NDUFAF1: variants seen among roughly 807,000 people sequenced by gnomAD.
NDUFAF1 encodes complex I intermediate-associated protein 30, mitochondrial.
A neutral mutation model predicts 28.7 loss-of-function variants in NDUFAF1; 18 were observed. That is an observed-to-expected ratio of 0.63 (90% CI 0.43 to 0.93). The LOEUF (loss-of-function observed/expected upper bound fraction) is 0.93, where lower values mean the gene tolerates loss of function less well. Ranked by LOEUF, NDUFAF1 falls within the 40% of genes least tolerant of loss-of-function variation. The probability of loss-of-function intolerance (pLI) is 0.00; values close to 1 mark genes in which losing one functional copy is unlikely to be tolerated. For missense variants in NDUFAF1, 404 were observed against 398.3 expected (o/e 1.01, Z -0.12); for synonymous variants, 113 against 139.7 (o/e 0.81, Z 1.35).
chr15:41,394,885 C>T lies in NDUFAF1; in HGVS notation c.733G>A (p.Gly245Arg), dbSNP rs376344575. ...TTGACCTCCTGCCAGTAGGGTCCCC[C>T]GCGGGTGAACATGAAGTAACTATAC... ...QMYSYFMFTR[G>R]GPYWQEVKIP... Residue 245 changes from glycine (G) to arginine (R), a missense_variant, in exon 3 of 5, where the codon GGG becomes AGG. Gly to Arg is a moderately radical substitution (Grantham distance 125). Transcript: ENST00000260361. 24 of 1,613,986 alleles carry T rather than the reference C, an allele frequency of 1.5e-5. No individual in the cohort carries two copies. The Admixed American group carries it at 2.0e-4, about 13-fold the overall frequency.
chr15:41,398,558 T>G (rs1453999830), intron 1 of NDUFAF1, among the ~76,000 whole-genome samples: 1 of 151,778 alleles, frequency 6.6e-6, no homozygotes, highest in East Asian at 1.9e-4. Context: ...GATAACTCAT[T>G]GTAGCCTTGA....
chr15:41,399,471 C>T (rs1292083633), intron 1 of NDUFAF1, among the ~76,000 whole-genome samples: 6 of 146,610 alleles, frequency 4.1e-5, no homozygotes, highest in Non-Finnish European at 9.0e-5. Flanking sequence ...GCAGGAGAAT[C>T]GCTTGAACCT....
chr15:41,390,478 C>T (rs888532517), intron 3 of NDUFAF1, among the ~76,000 whole-genome samples: 3 of 152,128 alleles, frequency 2.0e-5, no homozygotes, highest in Non-Finnish European at 4.4e-5. Context: ...GTAATCCCAG[C>T]ACTTTGGGAG....
intron 1 of NDUFAF1, among the ~76,000 whole-genome samples, chr15:41,398,489 A>T (rs555253521): frequency 1.3e-5 from 2 of 151,488 alleles, no homozygotes; most frequent in Admixed American, 6.6e-5. Context: ...GTGAAAAAAA[A>T]AAAAAAAGAG....
chr15:41,398,914 C>A (rs1261560911), intron 1 of NDUFAF1, among the ~76,000 whole-genome samples: 1 of 151,830 alleles, frequency 6.6e-6, no homozygotes, highest in Admixed American at 6.6e-5. Context: ...CGAGATTGCA[C>A]CACTGCACTC....
intron 3 of NDUFAF1, among the ~76,000 whole-genome samples, chr15:41,393,558 G>A (rs1306324794): frequency 6.6e-6 from 1 of 151,236 alleles, no homozygotes; most frequent in Non-Finnish European, 1.5e-5. Flanking sequence ...CCAAAGTGCT[G>A]GGATTACAGG....
rs560838828 is a variant in NDUFAF1, at chr15:41,387,522, G to A, written c.906C>T (p.Gly302=). ...CTGTATGAGCTGGATCAGTAAACAC[G>A]CCAATAAAATCTATCTCCAGGAAGA... ...GPFFLEIDFI[G]VFTDPAHTEE... Residue 302 remains glycine, a synonymous_variant, in exon 5 of 5, where the codon GGC becomes GGT. Coordinates refer to ENST00000260361, the MANE Select transcript of NDUFAF1 (RefSeq NM_016013.4). The A allele has an allele frequency of 1.6e-4, 255 of 1,612,562 alleles. 2 individuals carry two copies. In the South Asian group the frequency reaches 2.5e-3, roughly 16 times the overall value.
chr15:41,391,658 T>G (rs1285436651), intron 3 of NDUFAF1, among the ~76,000 whole-genome samples: 1 of 147,624 alleles, frequency 6.8e-6, no homozygotes, highest in Non-Finnish European at 1.5e-5. Context: ...GGGAAGGCAG[T>G]AGAGTGACAA....
chr15:41,394,832 A>G (rs1257466457), intron 3 of NDUFAF1, 27 bp downstream of exon 3: 2 of 1,612,968 alleles, frequency 1.2e-6, no homozygotes, highest in Non-Finnish European at 1.7e-6. Context: ...CCTCATTTTT[A>G]TAAACAATGA....
Position 41,391,569 on chromosome 15 carries a change from T to C in NDUFAF1, c.760-3047A>G, listed in dbSNP as rs142466555. 2.6e-3 allele frequency among the ~76,000 whole-genome samples: 383 copies of C among 145,104 alleles called. 1 individual carries two copies. The highest frequency in any genetic ancestry group is 9.3e-3 in the African/African-American group (362 of 38,918). On this transcript the variant is annotated intron_variant, in intron 3 of 4. Transcript: ENST00000260361. ...TTGCCGTAAGCTGGAATCACACCAC[T>C]GCACTCCAGCCTGGGCAGTAAGAGT...
At chr15:41,387,845 G>A (rs531663999) in intron 4 of NDUFAF1, among the ~76,000 whole-genome samples, 3 of 152,242 alleles carry the variant, frequency 2.0e-5, no homozygotes, top group South Asian at 4.1e-4. Context: ...GCCGGGCGTC[G>A]TGGCTCAGGC....
intron 1 of NDUFAF1, 138 bp downstream of exon 1, chr15:41,402,006 A>ATTTTTTT: frequency 4.0e-6 from 1 of 247,680 alleles, no homozygotes; most frequent in Non-Finnish European, 8.4e-6. Context: ...GCTTTGTTTC[A>ATTTTTTT]TTTTTTTTTT....
Position 41,396,797 on chromosome 15 carries a change from T to C in NDUFAF1, c.263A>G (p.Asp88Gly), listed in dbSNP as rs2050394593. ...PDVSFDKAIR[D>G]EAIYHFRLLK... The stretch of plus-strand genomic sequence containing the variant: ...AAGCCTAAAATGGTATATTGCTTCA[T>C]CTCTAATTGCTTTATCGAAACTAAC... Residue 88 changes from aspartate to glycine, a missense_variant, in exon 2 of 5, where the codon GAT becomes GGT. Physicochemically the swap from Asp to Gly is moderately conservative, Grantham distance 94. Transcript: ENST00000260361. The C allele has an allele frequency of 1.9e-6, 3 of 1,614,028 alleles. No individual in the cohort carries two copies. Among genetic ancestry groups the C allele is most frequent in the Admixed American group, 1.7e-5 (1 of 59,972 alleles).
intron 1 of NDUFAF1, among the ~76,000 whole-genome samples, chr15:41,399,978 T>C (rs968023128): frequency 1.3e-5 from 2 of 151,632 alleles, no homozygotes; most frequent in Non-Finnish European, 2.9e-5. Context: ...GAAAATCGCT[T>C]GAACCCAGGA....
chr15:41,396,020 G>T, intron 2 of NDUFAF1, among the ~76,000 whole-genome samples: 1 of 151,480 alleles, frequency 6.6e-6, no homozygotes, highest in East Asian at 2.0e-4. Flanking sequence ...CCTGGAGGGC[G>T]GAAGTTGCAG....
intron 1 of NDUFAF1, among the ~76,000 whole-genome samples, chr15:41,397,831 C>T (rs1204070900): frequency 6.8e-6 from 1 of 147,812 alleles, no homozygotes; most frequent in Non-Finnish European, 1.5e-5. Flanking sequence ...TTGAGACCAT[C>T]CTGGCCAACA....
At chr15:41,393,872 C>T (rs1422425327) in intron 3 of NDUFAF1, among the ~76,000 whole-genome samples, 1 of 148,206 alleles carries the variant, frequency 6.7e-6, no homozygotes, top group Non-Finnish European at 1.5e-5. Flanking sequence ...CGCCTGGCCT[C>T]TAATTCTTGT....
chr15:41,392,573 T>C (rs1044210609), intron 3 of NDUFAF1, among the ~76,000 whole-genome samples: 4 of 152,122 alleles, frequency 2.6e-5, no homozygotes, highest in Non-Finnish European at 5.9e-5. Context: ...CTGATGGTTT[T>C]ATAAGGAGAT....
chr15:41,398,344 C>T (rs551773770), intron 1 of NDUFAF1, among the ~76,000 whole-genome samples: 31 of 151,200 alleles, frequency 2.1e-4, no homozygotes, highest in Admixed American at 1.1e-3. Context: ...ATAATCCAGG[C>T]GTGGTGGCAG....
Sources: allele counts gnomAD v4.1 joint callset (sites outside exome capture counted in the v4.1 genomes callset), GRCh38; gene constraint gnomAD v4.1.1; transcripts MANE v1.5; gene names NCBI Gene and HGNC (gene_info 2026-07-23, HGNC 2026-07-21).